The following UST variants were observed in gnomAD, a reference collection of about 807,000 sequenced individuals.
UST encodes the protein chondroitin sulfate 2-O-sulfotransferase.
In UST, 21 loss-of-function variants were observed where a neutral mutation model predicts 45.6. The ratio of observed to expected loss-of-function variants is 0.46; its 90% confidence interval spans 0.33 to 0.66. The LOEUF is 0.66. UST is among the 30% of genes least tolerant of loss of function. The probability of loss-of-function intolerance (pLI) is 0.02; values close to 1 mark genes in which losing one functional copy is unlikely to be tolerated. For missense variants in UST, 463 were observed against 512.4 expected (o/e 0.90, Z 0.93); for synonymous variants, 215 against 200.6 (o/e 1.07, Z -0.61).
At chr6:149,005,520 T>G in intron 5 of UST, 1 of 985,442 alleles carries the variant, frequency 1.0e-6, no homozygotes, top group Non-Finnish European at 1.2e-6. Context: ...ATAGAATTAG[T>G]AAAGTCTCCA....
chr6:148,879,212 G>T (rs1456836519), intron 1 of UST, among the ~76,000 whole-genome samples: 1 of 152,150 alleles, frequency 6.6e-6, no homozygotes, highest in Non-Finnish European at 1.5e-5. Flanking sequence ...CTTGGAGCAG[G>T]TGCTGACCAG....
At chr6:148,868,602 T>C (rs969211074) in intron 1 of UST, among the ~76,000 whole-genome samples, 2 of 152,220 alleles carry the variant, frequency 1.3e-5, no homozygotes, top group Non-Finnish European at 2.9e-5. Context: ...ACCGATCTAC[T>C]AAGTACTAAA....
rs369772388 is a variant in UST, at chr6:148,984,030, C to T, written c.681+19467C>T. On this transcript the variant is annotated intron_variant, in intron 5 of 7. Transcript: ENST00000367463. ...TTTTTCCTTTAACTATAAATAAACC[C>T]GGTGGGTCTGGCATTTTGTTACCAA... 4.2e-4 allele frequency among the ~76,000 whole-genome samples: 64 copies of T among 152,242 alleles called. 1 individual carries two copies. Among genetic ancestry groups the T allele is most frequent in the African/African-American group, 1.5e-3 (61 of 41,532 alleles).
intron 5 of UST, among the ~76,000 whole-genome samples, chr6:148,966,048 A>C (rs1271873502): frequency 6.6e-6 from 1 of 151,832 alleles, no homozygotes; most frequent in Admixed American, 6.6e-5. Context: ...ACATGGTGAA[A>C]ACCTGTCTTT....
intron 1 of UST, among the ~76,000 whole-genome samples, chr6:148,826,646 G>T (rs551359698): frequency 4.6e-5 from 7 of 152,100 alleles, no homozygotes; most frequent in Non-Finnish European, 1.0e-4. Flanking sequence ...ACCTGTATTA[G>T]TTTTCTATGC....
rs910776778 is a variant in UST at position 148,748,670 on chromosome 6, T to A, written c.247+993T>A. Among the ~76,000 whole-genome samples the A allele has an allele frequency of 6.6e-6, 1 of 151,910 alleles. No individual in the cohort carries two copies. The stretch of plus-strand genomic sequence containing the variant: ...AGGGAGGATGCAGATCCCTCCCAAG[T>A]CTGTGGCCAGAAGAGGTCGTGCGGG... On this transcript the variant is annotated intron_variant, in intron 1 of 7. Coordinates refer to ENST00000367463, the MANE Select transcript of UST (RefSeq NM_005715.3). The surrounding 1 kb of genome is among the most constrained non-coding windows in gnomAD (Gnocchi z 5.3).
intron 1 of UST, among the ~76,000 whole-genome samples, chr6:148,866,989 A>G (rs980624923): frequency 3.3e-5 from 5 of 151,874 alleles, no homozygotes; most frequent in African/African-American, 7.3e-5. Context: ...TGCCTGCTCT[A>G]TGGCTTCTCT....
At chr6:148,854,771 G>C (rs1778170616) in intron 1 of UST, among the ~76,000 whole-genome samples, 1 of 152,108 alleles carries the variant, frequency 6.6e-6, no homozygotes, top group South Asian at 2.1e-4. Context: ...GGGTCAAGAG[G>C]GTAGAAATTA....
At chr6:149,008,878 G>C (rs916716228) in intron 5 of UST, among the ~76,000 whole-genome samples, 5 of 152,154 alleles carry the variant, frequency 3.3e-5, no homozygotes, top group African/African-American at 1.2e-4. Flanking sequence ...CAGCAGGATG[G>C]TGCAGCCCAC....
At chr6:148,975,414 C>T (rs1414385744) in intron 5 of UST, among the ~76,000 whole-genome samples, 17 of 152,256 alleles carry the variant, frequency 1.1e-4, no homozygotes, top group Admixed American at 7.2e-4. Context: ...CCTACTTGCA[C>T]GTGCAATTTC....
chr6:148,821,469 G>A (rs9399666), intron 1 of UST, among the ~76,000 whole-genome samples: 118,796 of 152,164 alleles, frequency 0.78, 47,144 homozygotes, highest in East Asian at 0.99. Context: ...ATCACTGGTG[G>A]TATTAACTTT....
chr6:149,001,026 A>G (rs929196039), intron 5 of UST, among the ~76,000 whole-genome samples: 15 of 151,732 alleles, frequency 9.9e-5, no homozygotes, highest in Admixed American at 1.3e-4. Context: ...GGGAAGAAAT[A>G]TTTGAAGCAA....
At chr6:148,848,014 GA>G (rs1335397117) in intron 1 of UST, among the ~76,000 whole-genome samples, 1 of 152,180 alleles carries the variant, frequency 6.6e-6, no homozygotes, top group Non-Finnish European at 1.5e-5. Context: ...TAGGAAGCCA[GA>G]TATTTTTGTC....
chr6:148,870,860 C>T (rs529104884), intron 1 of UST, among the ~76,000 whole-genome samples: 1 of 152,178 alleles, frequency 6.6e-6, no homozygotes, highest in Non-Finnish European at 1.5e-5. Flanking sequence ...TTGAAAGACT[C>T]ATCACACTCA....
At position 148,902,071 on chromosome 6, in the gene UST, A is replaced by G. The variant is rs80205568; in HGVS notation, c.291+15042A>G. Among the ~76,000 whole-genome samples the G allele has an allele frequency of 8.8e-3, 1,343 of 152,240 alleles. 27 individuals are homozygous for G. Among genetic ancestry groups the G allele is most frequent in the African/African-American group, 0.031 (1,278 of 41,512 alleles). ...AGAAAACGAATTCCTGATTTTTTAT[A>G]TGAACATCTAATCTGTCTCTGTGGA... On this transcript the variant is annotated intron_variant, in intron 2 of 7. Transcript: ENST00000367463.
chr6:148,827,422 C>T (rs576406671), intron 1 of UST, among the ~76,000 whole-genome samples: 40 of 152,170 alleles, frequency 2.6e-4, no homozygotes, highest in African/African-American at 8.7e-4. Flanking sequence ...GACTTTGAGA[C>T]TAGCTGGACA....
chr6:148,993,109 C>T lies in UST; in HGVS notation c.682-26030C>T, dbSNP rs529314044. ...GTGCATTTGTTTCTAGGTCAGTTAA[C>T]ATCTTAAATGCCCAAATTCTGAATG... On this transcript the variant is annotated intron_variant, in intron 5 of 7. Coordinates refer to ENST00000367463, the MANE Select transcript of UST (RefSeq NM_005715.3). The T allele has an allele frequency of 3.3e-5, 32 of 976,698 alleles. No individual in the cohort carries two copies. The African/African-American group carries it at 5.4e-4, about 17-fold the overall frequency. The allele number at this position is 976,698 out of a possible 1,614,324, so 60.5% of individuals were successfully genotyped here.
At chr6:148,971,067 G>C (rs993932821) in intron 5 of UST, among the ~76,000 whole-genome samples, 1 of 152,170 alleles carries the variant, frequency 6.6e-6, no homozygotes, top group Non-Finnish European at 1.5e-5. Flanking sequence ...AACTTAGCAG[G>C]GGGGAGAGGG....
At chr6:148,907,040 A>G (rs1256050094) in intron 2 of UST, among the ~76,000 whole-genome samples, 1 of 152,230 alleles carries the variant, frequency 6.6e-6, no homozygotes, top group African/African-American at 2.4e-5. Context: ...GATGGGATTA[A>G]AGCAAAAATT....
Sources: gnomAD v4.1 joint callset for allele counts (sites outside exome capture counted in the v4.1 genomes callset) on GRCh38, gnomAD v4.1.1 for gene constraint, Gnocchi (gnomAD v3.1) non-coding constraint, MANE v1.5 for transcripts, NCBI Gene and HGNC (gene_info 2026-07-23, HGNC 2026-07-21) for gene names.